UBE2B: variants seen among roughly 807,000 people sequenced by gnomAD.
The protein encoded by UBE2B is ubiquitin-conjugating enzyme E2 B.
UBE2B carries 11 observed loss-of-function variants against 24.6 expected under a neutral mutation model. That is an observed-to-expected ratio of 0.45 (90% CI 0.28 to 0.74). The LOEUF (loss-of-function observed/expected upper bound fraction) is 0.74, where lower values mean the gene tolerates loss of function less well. Ranked by LOEUF, UBE2B falls within the 30% of genes least tolerant of loss-of-function variation. The pLI is 0.13. For missense variants in UBE2B, 78 were observed against 185.6 expected (o/e 0.42, Z 3.37); for synonymous variants, 68 against 62.4 (o/e 1.09, Z -0.42).
chr5:134,391,011 CTG>C lies in UBE2B; in HGVS notation c.*660_*661del, dbSNP rs1758889549. The C allele has an allele frequency of 1.3e-5, 2 of 153,112 alleles. No individual in the cohort carries two copies. The allele number at this position is 153,112 out of a possible 1,614,324, so 9.5% of individuals were successfully genotyped here. A position where few individuals can be genotyped will look rare whatever the true frequency, so the allele number is the denominator to read the frequency against. ...ATAACTGGTTTGACTCTGTCCAACT[CTG>C]TATTTAGGCCATTTGTTACAGTTTC... is the stretch of plus-strand genomic sequence containing the variant. On this transcript the variant is annotated 3_prime_UTR_variant, in exon 6 of 6. Transcript: ENST00000265339.
chr5:134,378,291 G>A (rs568743099), intron 3 of UBE2B, among the ~76,000 whole-genome samples: 40 of 151,510 alleles, frequency 2.6e-4, no homozygotes, highest in Admixed American at 5.3e-4. Flanking sequence ...TTTTTGTCTC[G>A]CTCTCTCACC....
Position 134,391,396 on chromosome 5 carries a change from T to A in UBE2B, c.*1043T>A, listed in dbSNP as rs1758894758. On this transcript the variant is annotated 3_prime_UTR_variant, in exon 6 of 6. Coordinates refer to ENST00000265339, the MANE Select transcript of UBE2B (RefSeq NM_003337.4). ...GAGATTTTTTTTTTAATCTCCTGAG[T>A]TGTATAAAAGTTGTACTGCATCTTA... is the stretch of plus-strand genomic sequence containing the variant. The A allele has an allele frequency of 6.6e-6, 1 of 152,510 alleles. No individual in the cohort carries two copies. The highest frequency in any genetic ancestry group is 1.5e-5 in the Non-Finnish European group (1 of 68,020). The allele number at this position is 152,510 out of a possible 1,614,324, so 9.4% of individuals were successfully genotyped here.
At chr5:134,381,118 C>G (rs376328215) in intron 4 of UBE2B, among the ~76,000 whole-genome samples, 3 of 152,178 alleles carry the variant, frequency 2.0e-5, no homozygotes, top group African/African-American at 7.2e-5. Context: ...AGGCGTCCAC[C>G]ACCACGCCTG....
At chr5:134,375,567 G>T (rs71587526) in intron 2 of UBE2B, among the ~76,000 whole-genome samples, 1 of 152,048 alleles carries the variant, frequency 6.6e-6, no homozygotes, top group South Asian at 2.1e-4. Context: ...TCCTGAATAT[G>T]CCTTGCAAGT....
intron 4 of UBE2B, among the ~76,000 whole-genome samples, chr5:134,381,635 A>G (rs983382417): frequency 5.9e-5 from 9 of 152,114 alleles, no homozygotes; most frequent in Admixed American, 5.2e-4. Context: ...AGTTGTTTTA[A>G]TAACTCCTGA....
At chr5:134,376,025 C>T (rs1444276895) in intron 2 of UBE2B, among the ~76,000 whole-genome samples, 1 of 151,380 alleles carries the variant, frequency 6.6e-6, no homozygotes, top group Non-Finnish European at 1.5e-5. Context: ...GAAAAGATGT[C>T]TTTTCCTCTT....
intron 5 of UBE2B, among the ~76,000 whole-genome samples, chr5:134,388,666 G>A (rs1336345395): frequency 6.6e-6 from 1 of 152,074 alleles, no homozygotes; most frequent in African/African-American, 2.4e-5. Flanking sequence ...AAGAAAAAAT[G>A]GCTTGGAAAA....
At position 134,390,623 on chromosome 5, in the gene UBE2B, T is replaced by C; in HGVS notation, c.*270T>C. On this transcript the variant is annotated 3_prime_UTR_variant, in exon 6 of 6. Transcript: ENST00000265339. This position sits in a 1 kb window ranked among gnomAD's most constrained non-coding sequence, Gnocchi z 4.6. ...GTATAATGTTGGTGTGGAGTTTTCA[T>C]GACAGAATATACACATTTTGTAAAT... is the stretch of plus-strand genomic sequence containing the variant. The C allele has an allele frequency of 2.8e-6, 1 of 355,780 alleles. No homozygotes were observed. 22.0% of individuals were successfully genotyped at this position (355,780 alleles called of 1,614,324 possible). A position where few individuals can be genotyped will look rare whatever the true frequency, so the allele number is the denominator to read the frequency against.
At chr5:134,386,699 C>A (rs935344442) in intron 4 of UBE2B, among the ~76,000 whole-genome samples, 1 of 151,686 alleles carries the variant, frequency 6.6e-6, no homozygotes, top group East Asian at 1.9e-4. Context: ...CCACTACTTA[C>A]ATTTTGACAT....
intron 4 of UBE2B, among the ~76,000 whole-genome samples, chr5:134,383,339 T>C (rs952857892): frequency 1.3e-5 from 2 of 152,086 alleles, no homozygotes; most frequent in Non-Finnish European, 2.9e-5. Flanking sequence ...AGAAAAACAC[T>C]TGCTGTGTCA....
At position 134,380,732 on chromosome 5, in the gene UBE2B, A is replaced by G. The variant is rs529208438; in HGVS notation, c.165A>G (p.Leu55=). The G allele has an allele frequency of 3.2e-6, 5 of 1,557,126 alleles. No homozygotes were observed. In the Admixed American group the frequency reaches 8.4e-5, roughly 26 times the overall value. The change falls in exon 4 of 6, where the codon CTA becomes CTG. Residue 55 remains leucine (L), a synonymous_variant. Transcript: ENST00000265339. Reference sequence around the variant, plus strand: ...TTTTCTCTCTAGGTACTTTTAAACTAGTAATAGAATTTTCTGAAGAATATC... The same window carrying G: ...TTTTCTCTCTAGGTACTTTTAAACTGGTAATAGAATTTTCTGAAGAATATC... ...GTPFEDGTFK[L]VIEFSEEYPN... is the part of the protein sequence containing the mutation.
rs1186834088 is a variant in UBE2B at position 134,380,955 on chromosome 5, ATTTTTTTTTTT to A, written c.241+166_241+176del. 165 of 153,964 alleles carry A rather than the reference ATTTTTTTTTTT, an allele frequency of 1.1e-3. 1 individual carries two copies. The highest frequency in any genetic ancestry group is 3.6e-3 in the East Asian group (18 of 5,008). The allele number at this position is 153,964 out of a possible 1,614,324, so 9.5% of individuals were successfully genotyped here. ...ATGTGAGCCACGTATTTTGTTGTGGATTTTTTTTTTTTTTTTTTTTTTTTTTTTTGAGACGG... is the reference window on the plus strand; with the variant it reads ...ATGTGAGCCACGTATTTTGTTGTGGATTTTTTTTTTTTTTTTTTGAGACGG... On this transcript the variant is annotated intron_variant, in intron 4 of 5. Transcript: ENST00000265339.
At chr5:134,388,126 G>T in intron 4 of UBE2B, 199 bp from the exon 5 acceptor site, 1 of 586,926 alleles carries the variant, frequency 1.7e-6, no homozygotes, top group South Asian at 2.0e-5. Context: ...TTCAACATGA[G>T]ATTTGGAGGG....
At chr5:134,374,616 T>TA (rs1758568391) in intron 2 of UBE2B, 153 bp downstream of exon 2, 1 of 905,242 alleles carries the variant, frequency 1.1e-6, no homozygotes, top group South Asian at 1.5e-5. Context: ...ATATTTCAAT[T>TA]AGAGTTTTGG....
Position 134,378,702 on chromosome 5 carries a change from T to G in UBE2B, c.151+2008T>G, listed in dbSNP as rs141059030. Among the ~76,000 whole-genome samples the G allele has an allele frequency of 2.5e-4, 38 of 152,312 alleles. No homozygotes were observed. The East Asian group carries it at 6.2e-3, about 25-fold the overall frequency. On this transcript the variant is annotated intron_variant, in intron 3 of 5. Transcript: ENST00000265339. Reference sequence around the variant, plus strand: ...TGAATGACTTTTTTTCATGGAACATTTTTTACTTGAAAATACAGACAAGCT... The same window carrying G: ...TGAATGACTTTTTTTCATGGAACATGTTTTACTTGAAAATACAGACAAGCT...
At chr5:134,375,709 G>A (rs886065793) in intron 2 of UBE2B, among the ~76,000 whole-genome samples, 5 of 145,222 alleles carry the variant, frequency 3.4e-5, no homozygotes, top group Non-Finnish European at 6.0e-5. Context: ...TGAGGCAGGA[G>A]AATGGCGTGA....
intron 2 of UBE2B, among the ~76,000 whole-genome samples, chr5:134,375,824 A>AC: frequency 6.9e-6 from 1 of 144,826 alleles, no homozygotes; most frequent in Non-Finnish European, 1.5e-5. Context: ...AAAAAAAAAA[A>AC]AACTTTATGC....
chr5:134,383,796 G>C (rs1023257031), intron 4 of UBE2B, among the ~76,000 whole-genome samples: 25 of 151,952 alleles, frequency 1.6e-4, no homozygotes, highest in Admixed American at 1.6e-3. Context: ...TTATTATTTT[G>C]ATTGAGTTTT....
chr5:134,380,190 C>A (rs767301166), intron 3 of UBE2B, among the ~76,000 whole-genome samples: 3 of 152,132 alleles, frequency 2.0e-5, no homozygotes, highest in African/African-American at 7.2e-5. Flanking sequence ...GAATTACAGG[C>A]GTGAGCCACC....
Sources: gnomAD v4.1 joint callset for allele counts (sites outside exome capture counted in the v4.1 genomes callset) on GRCh38, gnomAD v4.1.1 for gene constraint, Gnocchi (gnomAD v3.1) non-coding constraint, MANE v1.5 for transcripts, NCBI Gene and HGNC (gene_info 2026-07-23, HGNC 2026-07-21) for gene names.